STON2: variants seen among roughly 807,000 people sequenced by gnomAD.
STON2 encodes the protein stonin-2.
Under a neutral mutation model 65.7 loss-of-function variants are expected in STON2, and 29 were observed. That is an observed-to-expected ratio of 0.44 (90% CI 0.33 to 0.60). The LOEUF (loss-of-function observed/expected upper bound fraction) is 0.60. STON2 is among the 20% of genes least tolerant of loss of function. STON2 has a pLI of 0.03. For synonymous variants in STON2, 404 were observed against 414.2 expected (o/e 0.98, Z 0.30); for missense variants, 1,054 against 1,118.1 (o/e 0.94, Z 0.82).
intron 2 of STON2, among the ~76,000 whole-genome samples, chr14:81,415,633 G>A (rs1407344757): frequency 3.1e-5 from 4 of 129,372 alleles, no homozygotes; most frequent in African/African-American, 1.3e-4. Context: ...TCGCACCACT[G>A]CACTCCAGCC....
intron 1 of STON2, among the ~76,000 whole-genome samples, chr14:81,435,710 C>G (rs1361323583): frequency 6.6e-6 from 1 of 151,686 alleles, no homozygotes; most frequent in African/African-American, 2.4e-5. Context: ...CACACGCGCG[C>G]GCACACACGC....
chr14:81,304,978 C>T (rs897842124), intron 5 of STON2, among the ~76,000 whole-genome samples: 9 of 152,206 alleles, frequency 5.9e-5, no homozygotes, highest in Non-Finnish European at 5.9e-5. Context: ...CTAACTACCT[C>T]TTCCCCCAGG....
Position 81,423,481 on chromosome 14 carries a change from T to TCAAAA in STON2, c.-199+3616_-199+3620dup, listed in dbSNP as rs1901816317. Among the ~76,000 whole-genome samples, 3 of 152,174 alleles carry TCAAAA rather than the reference T, an allele frequency of 2.0e-5. No individual in the cohort carries two copies. In the South Asian group the frequency reaches 6.2e-4, roughly 32 times the overall value. Reference sequence around the variant, plus strand: ...CTGGCTCAAGTTGCTTTCGGGCCTTTCAAAACAAAACAAAATTATTCCAGA... The same window carrying TCAAAA: ...CTGGCTCAAGTTGCTTTCGGGCCTTTCAAAACAAAACAAAACAAAATTATTCCAGA... On this transcript the variant is annotated intron_variant, in intron 2 of 8. Transcript: ENST00000553821.
intron 5 of STON2, among the ~76,000 whole-genome samples, chr14:81,305,390 ATT>A (rs1367804767): frequency 6.6e-6 from 1 of 152,148 alleles, no homozygotes; most frequent in Non-Finnish European, 1.5e-5. Flanking sequence ...TGTTATTTTC[ATT>A]TGAGCTATGA....
intron 2 of STON2, among the ~76,000 whole-genome samples, chr14:81,415,707 T>C (rs559465251): frequency 3.3e-5 from 5 of 150,192 alleles, no homozygotes; most frequent in African/African-American, 1.2e-4. Context: ...GTAATTCCTA[T>C]AGCTGCCTTG....
At chr14:81,294,104 G>A (rs962381537) in intron 5 of STON2, among the ~76,000 whole-genome samples, 1 of 152,168 alleles carries the variant, frequency 6.6e-6, no homozygotes, top group East Asian at 1.9e-4. Context: ...CCAGACAAGA[G>A]ATAGATGAAA....
intron 3 of STON2, among the ~76,000 whole-genome samples, chr14:81,393,179 G>A (rs1456538994): frequency 1.3e-5 from 2 of 152,174 alleles, no homozygotes; most frequent in Non-Finnish European, 2.9e-5. Context: ...AAAAATCAGT[G>A]AAGAGTTGAG....
chr14:81,377,825 T>A (rs991450027), intron 3 of STON2, among the ~76,000 whole-genome samples: 1 of 152,080 alleles, frequency 6.6e-6, no homozygotes. Context: ...GTGAAACATA[T>A]GTTTATTTCT....
intron 5 of STON2, among the ~76,000 whole-genome samples, chr14:81,319,199 C>T (rs1325528781): frequency 1.3e-5 from 2 of 152,192 alleles, no homozygotes; most frequent in African/African-American, 4.8e-5. Context: ...GTTTGTAAAG[C>T]AGCATTATTG....
chr14:81,432,277 C>T (rs1902256081), intron 1 of STON2, among the ~76,000 whole-genome samples: 1 of 152,126 alleles, frequency 6.6e-6, no homozygotes, highest in South Asian at 2.1e-4. Context: ...TCTGGCATGC[C>T]CTGTTGTTAC....
At chr14:81,274,578 C>T (rs1438301837) in intron 6 of STON2, among the ~76,000 whole-genome samples, 2 of 151,956 alleles carry the variant, frequency 1.3e-5, no homozygotes, top group Non-Finnish European at 2.9e-5. Flanking sequence ...TACATGTTGT[C>T]TTGGTGGTCA....
chr14:81,323,215 A>G (rs535021309), intron 5 of STON2, among the ~76,000 whole-genome samples: 2 of 152,304 alleles, frequency 1.3e-5, no homozygotes, highest in South Asian at 4.1e-4. Flanking sequence ...TGAGACACAC[A>G]AGCCTGTTAA....
At chr14:81,368,242 T>C (rs936448256) in intron 4 of STON2, among the ~76,000 whole-genome samples, 1 of 152,190 alleles carries the variant, frequency 6.6e-6, no homozygotes, top group African/African-American at 2.4e-5. Flanking sequence ...AGGTCATCCA[T>C]TTCTCAGTGG....
chr14:81,368,152 G>A (rs1031282081), intron 4 of STON2, among the ~76,000 whole-genome samples: 21 of 152,062 alleles, frequency 1.4e-4, no homozygotes, highest in African/African-American at 4.3e-4. Context: ...GAAGGTCTGG[G>A]GGGTAACATA....
At chr14:81,400,681 G>T (rs551788721), upstream of STON2, among the ~76,000 whole-genome samples, 23 of 152,088 alleles carry the variant, frequency 1.5e-4, no homozygotes, top group Admixed American at 5.2e-4. Context: ...AGGTTTTAAA[G>T]ATCAACAACT....
intron 5 of STON2, among the ~76,000 whole-genome samples, chr14:81,320,111 A>C (rs1311216974): frequency 6.6e-6 from 1 of 152,102 alleles, no homozygotes; most frequent in Non-Finnish European, 1.5e-5. Context: ...TCACGTGGCC[A>C]GTGTAAGGTC....
intron 3 of STON2, among the ~76,000 whole-genome samples, chr14:81,379,684 A>G (rs769514433): frequency 4.6e-5 from 7 of 152,216 alleles, no homozygotes; most frequent in Non-Finnish European, 1.0e-4. Context: ...AACCCAGAAT[A>G]AAGCTGCACA....
intron 5 of STON2, among the ~76,000 whole-genome samples, chr14:81,291,928 G>T (rs1030164314): frequency 2.0e-5 from 3 of 151,148 alleles, no homozygotes; most frequent in Non-Finnish European, 4.4e-5. Context: ...CCTATCCTTT[G>T]TAAGAGTAGG....
intron 4 of STON2, among the ~76,000 whole-genome samples, chr14:81,332,752 AAAT>A (rs1226332947): frequency 2.6e-5 from 4 of 152,360 alleles, no homozygotes; most frequent in East Asian, 1.9e-4. Flanking sequence ...AACTATAATA[AAAT>A]AATAATAAAT....
Sources: allele counts gnomAD v4.1 joint callset (sites outside exome capture counted in the v4.1 genomes callset), GRCh38; gene constraint gnomAD v4.1.1; transcripts MANE v1.5; gene names NCBI Gene and HGNC (gene_info 2026-07-23, HGNC 2026-07-21).